Variants in KCNAB1 observed in about 807,000 individuals in gnomAD.
KCNAB1 encodes potassium voltage-gated channel subfamily A regulatory beta subunit 1, also known as voltage-gated potassium channel subunit beta-1.
In KCNAB1, 35 loss-of-function variants were observed where a neutral mutation model predicts 64.6. The observed-to-expected ratio is 0.54, with a 90% CI of 0.41 to 0.72. The LOEUF (loss-of-function observed/expected upper bound fraction) is 0.72. KCNAB1 is among the 30% of genes least tolerant of loss of function. The pLI is 0.00. For synonymous variants in KCNAB1, 177 were observed against 183.8 expected (o/e 0.96, Z 0.30); for missense variants, 401 against 512.9 (o/e 0.78, Z 2.11).
At chr3:156,509,698 C>T (rs1717066255) in intron 8 of KCNAB1, among the ~76,000 whole-genome samples, 1 of 152,304 alleles carries the variant, frequency 6.6e-6, no homozygotes, top group South Asian at 2.1e-4. Context: ...ACATTCAGTA[C>T]TGGGTTATCA....
chr3:156,449,690 T>C (rs1711848956), intron 2 of KCNAB1, among the ~76,000 whole-genome samples: 1 of 152,226 alleles, frequency 6.6e-6, no homozygotes, highest in African/African-American at 2.4e-5. Flanking sequence ...GGCATAGTTT[T>C]AGAGAATAAA....
intron 1 of KCNAB1, among the ~76,000 whole-genome samples, chr3:156,289,786 A>G (rs1168683262): frequency 6.6e-6 from 1 of 152,250 alleles, no homozygotes; most frequent in Non-Finnish European, 1.5e-5. Flanking sequence ...AGAATGCAAC[A>G]CAGGCACATA....
At chr3:156,356,960 T>C (rs964966221) in intron 1 of KCNAB1, among the ~76,000 whole-genome samples, 4 of 152,226 alleles carry the variant, frequency 2.6e-5, no homozygotes, top group Non-Finnish European at 4.4e-5. Context: ...AGGGAGTTCC[T>C]TGAACTTCCC....
chr3:156,144,154 G>GT (rs1257917068), intron 1 of KCNAB1, among the ~76,000 whole-genome samples: 1 of 152,144 alleles, frequency 6.6e-6, no homozygotes, highest in Non-Finnish European at 1.5e-5. Flanking sequence ...TACGCCTGGA[G>GT]TTTTAAACAG....
intron 1 of KCNAB1, among the ~76,000 whole-genome samples, chr3:156,293,364 CTTT>C (rs1720580742): frequency 2.0e-5 from 3 of 152,184 alleles, no homozygotes; most frequent in African/African-American, 7.2e-5. Flanking sequence ...TATCTCTTGT[CTTT>C]GTTAGGAACC....
chr3:156,365,818 C>A (rs1016392652), intron 1 of KCNAB1, among the ~76,000 whole-genome samples: 1 of 152,200 alleles, frequency 6.6e-6, no homozygotes, highest in Non-Finnish European at 1.5e-5. Context: ...CAGGAGTTTA[C>A]AGCCTCATAC....
chr3:156,317,643 A>T (rs1454061245), intron 1 of KCNAB1, among the ~76,000 whole-genome samples: 2 of 152,138 alleles, frequency 1.3e-5, no homozygotes, highest in African/African-American at 4.8e-5. Context: ...AGCGGAAGAG[A>T]AGAAACAAAG....
intron 1 of KCNAB1, among the ~76,000 whole-genome samples, chr3:156,238,653 A>T (rs1344225796): frequency 1.3e-5 from 2 of 152,148 alleles, no homozygotes; most frequent in African/African-American, 2.4e-5. Context: ...TTAATTGTTT[A>T]GACTGAAAGT....
intron 1 of KCNAB1, among the ~76,000 whole-genome samples, chr3:156,310,405 T>C (rs1721809389): frequency 6.6e-6 from 1 of 152,090 alleles, no homozygotes; most frequent in African/African-American, 2.4e-5. Context: ...AGGATCCCAA[T>C]TGGTCCTGCA....
chr3:156,521,604 C>G (rs768525409), intron 11 of KCNAB1, among the ~76,000 whole-genome samples: 3 of 152,118 alleles, frequency 2.0e-5, no homozygotes, highest in African/African-American at 7.2e-5. Flanking sequence ...GGAGATTTCA[C>G]CTTTTGATTC....
At chr3:156,283,567 A>C (rs62286221) in intron 1 of KCNAB1, among the ~76,000 whole-genome samples, 6 of 151,614 alleles carry the variant, frequency 4.0e-5, no homozygotes, top group Non-Finnish European at 7.4e-5. Context: ...GTGTTTTCCA[A>C]GTTGGTTCCA....
intron 1 of KCNAB1, among the ~76,000 whole-genome samples, chr3:156,241,018 T>C (rs149866656): frequency 6.6e-6 from 1 of 152,280 alleles, no homozygotes; most frequent in African/African-American, 2.4e-5. Flanking sequence ...GGGGTATTTG[T>C]ATACCAGTTT....
At chr3:156,372,612 C>A (rs970805094) in intron 1 of KCNAB1, among the ~76,000 whole-genome samples, 1 of 152,202 alleles carries the variant, frequency 6.6e-6, no homozygotes. Context: ...CTGAACAACT[C>A]TGGCACATGG....
intron 7 of KCNAB1, among the ~76,000 whole-genome samples, chr3:156,466,099 AT>A (rs1317791524): frequency 6.6e-6 from 1 of 152,056 alleles, no homozygotes; most frequent in Non-Finnish European, 1.5e-5. Context: ...CCCCCCTAAA[AT>A]AAACTTTATA....
chr3:156,354,110 A>G (rs543063567), intron 1 of KCNAB1, among the ~76,000 whole-genome samples: 23 of 116,622 alleles, frequency 2.0e-4, no homozygotes, highest in Admixed American at 6.9e-4. Context: ...ATGTATATAT[A>G]TGTGTGTGTG....
chr3:156,243,187 C>T (rs1407771379), intron 1 of KCNAB1, among the ~76,000 whole-genome samples: 16 of 152,024 alleles, frequency 1.1e-4, no homozygotes, highest in African/African-American at 3.4e-4. Context: ...GGATTACAGG[C>T]GTGAGCCACC....
At chr3:156,319,783 G>A (rs538076590) in intron 1 of KCNAB1, among the ~76,000 whole-genome samples, 92 of 152,246 alleles carry the variant, frequency 6.0e-4, no homozygotes, top group Admixed American at 2.0e-3. Context: ...GATATTCTCC[G>A]TTTTGCCCTC....
At chr3:156,536,209 A>G (rs1719045152) in intron 13 of KCNAB1, among the ~76,000 whole-genome samples, 1 of 152,190 alleles carries the variant, frequency 6.6e-6, no homozygotes, top group Non-Finnish European at 1.5e-5. Flanking sequence ...CCAAACAGAG[A>G]TGTGCTTTAA....
intron 8 of KCNAB1, among the ~76,000 whole-genome samples, chr3:156,498,596 C>A (rs145860405): frequency 9.5e-4 from 145 of 152,322 alleles, no homozygotes; most frequent in Non-Finnish European, 1.6e-3. Context: ...TTGTAAATTG[C>A]CCAGTCTCAG....
Sources: allele counts gnomAD v4.1 joint callset (sites outside exome capture counted in the v4.1 genomes callset), GRCh38; gene constraint gnomAD v4.1.1; transcripts MANE v1.5; gene names NCBI Gene and HGNC (gene_info 2026-07-23, HGNC 2026-07-21).